Variants in CATSPER2 observed in about 807,000 individuals in gnomAD.
CATSPER2 encodes cation channel sperm-associated protein 2.
Under a neutral mutation model 68.8 loss-of-function variants are expected in CATSPER2, and 56 were observed. The ratio of observed to expected loss-of-function variants is 0.81; its 90% confidence interval spans 0.66 to 1.02. The LOEUF (loss-of-function observed/expected upper bound fraction) is 1.02, where lower values mean the gene tolerates loss of function less well. Ranked by LOEUF, CATSPER2 falls within the 50% of genes least tolerant of loss-of-function variation. The pLI, the probability that CATSPER2 is intolerant of heterozygous loss-of-function variation, is 0.00. For synonymous variants in CATSPER2, 198 were observed against 229.9 expected, an observed-to-expected ratio of 0.86 and a Z score of 1.26; for missense variants, 582 against 642.0, an observed-to-expected ratio of 0.91 and a Z score of 1.01.
At position 43,648,812 on chromosome 15, in the gene CATSPER2, C is replaced by A; in HGVS notation, c.-186G>T. The A allele has an allele frequency of 6.5e-7, 1 of 1,533,032 alleles. No individual in the cohort carries two copies. Among genetic ancestry groups the A allele is most frequent in the South Asian group, 1.2e-5 (1 of 83,576 alleles). The allele number at this position is 1,533,032 out of a possible 1,614,324, so 95.0% of individuals were successfully genotyped here. On this transcript the variant is annotated 5_prime_UTR_variant, in exon 1 of 13. Transcript: ENST00000396879. ...GCTCACCCCGGGACCCGGCCCTAGCCCCTACCCACAGCCCAGGACCATGCG... is the reference window on the plus strand; with the variant it reads ...GCTCACCCCGGGACCCGGCCCTAGCACCTACCCACAGCCCAGGACCATGCG...
chr15:43,648,157 C>T, intron 1 of CATSPER2, 94 bp from the exon 2 acceptor site: 3 of 1,437,104 alleles, frequency 2.1e-6, no homozygotes, highest in Non-Finnish European at 2.9e-6. Context: ...ACCCTCTTTA[C>T]CCTTAAGATT....
chr15:43,641,733 T>C (rs989019419), intron 4 of CATSPER2, among the ~76,000 whole-genome samples: 1 of 151,950 alleles, frequency 6.6e-6, no homozygotes, highest in Non-Finnish European at 1.5e-5. Flanking sequence ...TGAGAGAGAA[T>C]CTCACTCTGT....
intron 7 of CATSPER2, among the ~76,000 whole-genome samples, chr15:43,637,993 T>A (rs1218804093): frequency 6.6e-6 from 1 of 151,522 alleles, no homozygotes; most frequent in Non-Finnish European, 1.5e-5. Flanking sequence ...CACTCTTTGT[T>A]GCCCAGGCTG....
At chr15:43,635,488 C>T (rs2141554495) in intron 9 of CATSPER2, 72 bp from the exon 10 acceptor site, 1 of 1,524,290 alleles carries the variant, frequency 6.6e-7, no homozygotes, top group Non-Finnish European at 9.0e-7. Flanking sequence ...AAAAAAAGTT[C>T]ATATCAGAAA....
chr15:43,636,913 T>C (rs1344933493), intron 7 of CATSPER2, among the ~76,000 whole-genome samples: 6 of 150,502 alleles, frequency 4.0e-5, no homozygotes, highest in Admixed American at 2.7e-4. Flanking sequence ...ACCTCTGCAC[T>C]CCAGGCTCAA....
At chr15:43,632,127 C>T (rs1231772258) in intron 12 of CATSPER2, 72 bp downstream of exon 12, 2 of 1,495,528 alleles carry the variant, frequency 1.3e-6, no homozygotes, top group African/African-American at 2.8e-5. Flanking sequence ...AGTGGACACC[C>T]TCCTCCTTCT....
At position 43,639,720 on chromosome 15, in the gene CATSPER2, C is replaced by G; in HGVS notation, c.640G>C (p.Val214Leu). The change falls in exon 6 of 13, where the codon GTG (valine) becomes CTG (leucine). Residue 214 changes from valine to leucine, a missense_variant. Physicochemically the swap from Val to Leu is conservative, Grantham distance 32 (BLOSUM62 1). Coordinates refer to ENST00000396879, the MANE Select transcript of CATSPER2 (RefSeq NM_172095.4). ...VWLQLLRICR[V>L]LRSLKLLAQF... ...GCAAGGAGTTTGAGAGACCTCAGCA[C>G]CCGGCAGATCCTCAGAAGCTGAAGC... 6.2e-7 allele frequency: 1 copy of G among 1,613,128 alleles called. No individual in the cohort carries two copies. The highest frequency in any genetic ancestry group is 8.5e-7 in the Non-Finnish European group (1 of 1,179,560).
chr15:43,632,027 C>T (rs769822167), intron 12 of CATSPER2, among the ~76,000 whole-genome samples, 172 bp downstream of exon 12: 1 of 151,958 alleles, frequency 6.6e-6, no homozygotes, highest in African/African-American at 2.4e-5. Context: ...AAGTGGGACA[C>T]ATTCCCAGAA....
chr15:43,646,550 C>T (rs1207492507), intron 4 of CATSPER2, among the ~76,000 whole-genome samples: 3 of 151,424 alleles, frequency 2.0e-5, no homozygotes, highest in Non-Finnish European at 4.4e-5. Flanking sequence ...TGTGAGCTAC[C>T]GTGCCCAGCG....
chr15:43,638,985 A>G lies in CATSPER2; in HGVS notation c.761T>C (p.Ile254Thr), dbSNP rs777246065. ...GACGTAGACACCAGTCACAGCAAAA[A>G]TGTAGAAGAAGATGAGCAGCAACAT... ...LLMLLLIFFYIFAVTGVYVFS... is the reference protein window; with the variant it reads ...LLMLLLIFFYTFAVTGVYVFS... Residue 254 changes from isoleucine to threonine, a missense_variant, in exon 7 of 13, where the codon ATT (isoleucine) becomes ACT (threonine). Physicochemically the swap from Ile to Thr is moderately conservative, Grantham distance 89. Around this residue, in one of 5 missense-constraint regions of CATSPER2, gnomAD observed 91 missense variants for 72.8 expected, o/e 1.25. Coordinates refer to ENST00000396879, the MANE Select transcript of CATSPER2 (RefSeq NM_172095.4). The G allele has an allele frequency of 3.6e-5, 58 of 1,612,960 alleles. No individual in the cohort carries two copies. Among genetic ancestry groups the G allele is most frequent in the Non-Finnish European group, 4.4e-5 (52 of 1,179,420 alleles).
intron 12 of CATSPER2, chr15:43,631,505 A>T: frequency 2.7e-6 from 1 of 372,384 alleles, no homozygotes; most frequent in Non-Finnish European, 5.6e-6. Flanking sequence ...CTGGGATTAC[A>T]GGTGTGAGCC....
chr15:43,635,035 G>A lies in CATSPER2; in HGVS notation c.1178+325C>T, dbSNP rs1040752951. The A allele has an allele frequency of 6.8e-5, 25 of 368,304 alleles. 1 individual carries two copies. The highest frequency in any genetic ancestry group is 1.7e-4 in the Admixed American group (4 of 23,564). The allele number at this position is 368,304 out of a possible 1,614,324, so 22.8% of individuals were successfully genotyped here. A position where few individuals can be genotyped will look rare whatever the true frequency, so the allele number is the denominator to read the frequency against. ...CAACCTCTATCTCCGTCTTCACATC[G>A]CCTTCTCCTATTCTCTGTGTCTTCT... On this transcript the variant is annotated intron_variant, in intron 10 of 12. Transcript: ENST00000396879.
At chr15:43,648,114 C>T in intron 1 of CATSPER2, 51 bp from the exon 2 acceptor site, 1 of 1,601,700 alleles carries the variant, frequency 6.2e-7, no homozygotes, top group Middle Eastern at 1.7e-4. Context: ...GGAGCTGCAC[C>T]AAGGATTACA....
At chr15:43,647,160 G>C in intron 3 of CATSPER2, 42 bp from the exon 4 acceptor site, 2 of 1,582,268 alleles carry the variant, frequency 1.3e-6, no homozygotes, top group Non-Finnish European at 1.7e-6. Flanking sequence ...AGTTCTTTCT[G>C]ATTTATGCAG....
intron 4 of CATSPER2, among the ~76,000 whole-genome samples, chr15:43,644,895 T>G (rs572891336): frequency 4.6e-5 from 7 of 151,990 alleles, no homozygotes; most frequent in Non-Finnish European, 1.0e-4. Context: ...GGCAAATACA[T>G]GGCAGCAATC....
At chr15:43,631,615 G>A in intron 12 of CATSPER2, 1 of 278,354 alleles carries the variant, frequency 3.6e-6, no homozygotes, top group South Asian at 3.7e-5. Context: ...TGAATAGATA[G>A]TTCCCAGTTT....
In CATSPER2 at chr15:43,632,232, G is replaced by A. The variant is rs2085885494; in HGVS notation, c.1528C>T (p.Leu510=). 1.2e-6 allele frequency: 2 copies of A among 1,613,604 alleles called. No homozygotes were observed. Among genetic ancestry groups the A allele is most frequent in the Non-Finnish European group, 1.7e-6 (2 of 1,179,778 alleles). The change falls in exon 12 of 13, where the codon CTA becomes TTA. Residue 510 remains leucine, a synonymous_variant. Transcript: ENST00000396879. ...FELLEKLQYN[L]EERKKLQEFA... ...TCTTGTAACTTCTTACGTTCCTCTA[G>A]GTTATACTGAAGCTTTTCTAGCAAC...
intron 5 of CATSPER2, chr15:43,640,022 G>A (rs1351339685): frequency 2.4e-5 from 35 of 1,441,414 alleles, no homozygotes; most frequent in African/African-American, 7.2e-5. Flanking sequence ...TTATTTAATT[G>A]GGTTGTTGTG....
intron 4 of CATSPER2, among the ~76,000 whole-genome samples, chr15:43,641,801 C>T (rs575893677): frequency 2.4e-4 from 36 of 151,950 alleles, no homozygotes; most frequent in Non-Finnish European, 5.0e-4. Context: ...CTGGCTCTTC[C>T]GGGCTCAAGA....
Sources: allele counts gnomAD v4.1 joint callset (sites outside exome capture counted in the v4.1 genomes callset), GRCh38; gene constraint gnomAD v4.1.1; regional missense constraint gnomAD v4.1.1; transcripts MANE v1.5; gene names NCBI Gene and HGNC (gene_info 2026-07-23, HGNC 2026-07-21).